Variants in FBF1 observed in about 807,000 individuals in gnomAD.
FBF1 encodes Fas binding factor 1.
In FBF1, 119 loss-of-function variants were observed where a neutral mutation model predicts 147.2. The observed-to-expected ratio is 0.81, with a 90% CI of 0.70 to 0.94. The LOEUF (loss-of-function observed/expected upper bound fraction) is 0.94, where lower values mean the gene tolerates loss of function less well. Ranked by LOEUF, FBF1 falls within the 40% of genes least tolerant of loss-of-function variation. The pLI is 0.00. For missense variants in FBF1, 1,449 were observed against 1,500.8 expected (o/e 0.97, Z 0.57); for synonymous variants, 601 against 609.0 (o/e 0.99, Z 0.19).
chr17:75,939,031 C>T (rs2065642401), intron 1 of FBF1, among the ~76,000 whole-genome samples: 1 of 151,908 alleles, frequency 6.6e-6, no homozygotes, highest in Non-Finnish European at 1.5e-5. Flanking sequence ...CGCGGTGGCT[C>T]ACACCTGTTA....
intron 28 of FBF1, among the ~76,000 whole-genome samples, chr17:75,913,037 T>C (rs1475732647): frequency 6.8e-6 from 1 of 146,956 alleles, no homozygotes; most frequent in East Asian, 2.1e-4. Flanking sequence ...TGAAACTCCA[T>C]CTCAAAAAAG....
chr17:75,937,768 T>C (rs1309509359), intron 2 of FBF1, 175 bp from the exon 3 acceptor site: 4 of 739,428 alleles, frequency 5.4e-6, no homozygotes, highest in Non-Finnish European at 9.3e-6. Flanking sequence ...AACGGACTCA[T>C]TCAGAGCGTG....
Position 75,925,447 on chromosome 17 carries a change from CTG to C in FBF1, c.869-3_869-2del, listed in dbSNP as rs1156257612. The C allele has an allele frequency of 6.2e-7, 1 of 1,612,608 alleles. No individual in the cohort carries two copies. The highest frequency in any genetic ancestry group is 2.2e-5 in the East Asian group (1 of 44,858). ...TCGTCACCCCACATATCTTCACTGTCTGTGAATTAAGGAGCCTGTGACCGTGA... is the reference window on the plus strand; with the variant it reads ...TCGTCACCCCACATATCTTCACTGTCTGAATTAAGGAGCCTGTGACCGTGA... On this transcript the variant is annotated splice_acceptor_variant and splice_polypyrimidine_tract_variant and intron_variant, in intron 12 of 29. Transcript: ENST00000636174. LOFTEE classifies it high-confidence loss of function. The surrounding 1 kb of genome is among the most constrained non-coding windows in gnomAD (Gnocchi z 5.0).
chr17:75,911,862 G>A lies in FBF1; in HGVS notation c.3363+330C>T, dbSNP rs116641447. On this transcript the variant is annotated intron_variant, in intron 29 of 29. Coordinates refer to ENST00000636174, the MANE Select transcript of FBF1 (RefSeq NM_001319193.2). ...AGACGGTGTCTCAACATATTGCCCA[G>A]GCTGGTCTCAAACTCCTGGGCTCAA... 1.9e-3 allele frequency among the ~76,000 whole-genome samples: 283 copies of A among 151,928 alleles called. 2 individuals carry two copies. Among genetic ancestry groups the A allele is most frequent in the African/African-American group, 6.6e-3 (273 of 41,384 alleles).
In FBF1 at chr17:75,931,376, G is replaced by A. The variant is rs143233397; in HGVS notation, c.168-87C>T. On this transcript the variant is annotated intron_variant, in intron 5 of 29. Transcript: ENST00000636174. ...GGAGGAGTAGCTTAGAAAGCCCAAG[G>A]AATCTCGGATAGGTCTCTCCGGAGA... 4.8e-4 allele frequency: 586 copies of A among 1,212,572 alleles called. 8 individuals are homozygous for A. In the African/African-American group the frequency reaches 7.7e-3, roughly 16 times the overall value. 75.1% of individuals were successfully genotyped at this position (1,212,572 alleles called of 1,614,324 possible). A position where few individuals can be genotyped will look rare whatever the true frequency, so the allele number is the denominator to read the frequency against.
chr17:75,924,451 G>A (rs1463232933), intron 13 of FBF1, among the ~76,000 whole-genome samples: 3 of 152,164 alleles, frequency 2.0e-5, no homozygotes, highest in Admixed American at 2.0e-4. Flanking sequence ...GGATGAGAGG[G>A]GCTCCTGGTG....
chr17:75,924,484 T>C (rs1363168577), intron 13 of FBF1, among the ~76,000 whole-genome samples: 1 of 152,068 alleles, frequency 6.6e-6, no homozygotes, highest in Non-Finnish European at 1.5e-5. Flanking sequence ...CTTCTGAAGT[T>C]TTTTTTTGAG....
At chr17:75,920,763 C>G (rs1361338374) in intron 17 of FBF1, among the ~76,000 whole-genome samples, 1 of 151,908 alleles carries the variant, frequency 6.6e-6, no homozygotes, top group African/African-American at 2.4e-5. Flanking sequence ...GCCTGAAGCC[C>G]ACATGTTGAC....
Position 75,910,893 on chromosome 17 carries a change from G to A in FBF1, c.3364-87C>T. 8.7e-7 allele frequency: 1 copy of A among 1,148,048 alleles called. No homozygotes were observed. Among genetic ancestry groups the A allele is most frequent in the Middle Eastern group, 2.1e-4 (1 of 4,840 alleles). 71.1% of individuals were successfully genotyped at this position (1,148,048 alleles called of 1,614,324 possible). A position where few individuals can be genotyped will look rare whatever the true frequency, so the allele number is the denominator to read the frequency against. On this transcript the variant is annotated intron_variant, in intron 29 of 29. Coordinates refer to ENST00000636174, the MANE Select transcript of FBF1 (RefSeq NM_001319193.2). The surrounding 1 kb of genome is among the most constrained non-coding windows in gnomAD (Gnocchi z 4.1). ...GATGCTAGCTGAGCCAGCCGTCACT[G>A]AGGCCCCTCCCCACATCGTCCCTGA...
In FBF1 at chr17:75,928,680, C is replaced by T. The variant is rs1045981795; in HGVS notation, c.280-487G>A. On this transcript the variant is annotated intron_variant, in intron 7 of 29. Transcript: ENST00000636174. This position sits in a 1 kb window ranked among gnomAD's most constrained non-coding sequence, Gnocchi z 4.2. ...AAAATTAGTTGGGTGTGGTGGTGCA[C>T]GCCTGTAATCCCAGCTACTTGGGAG... Among the ~76,000 whole-genome samples the T allele has an allele frequency of 1.3e-5, 2 of 151,462 alleles. No homozygotes were observed. Among genetic ancestry groups the T allele is most frequent in the South Asian group, 2.1e-4 (1 of 4,794 alleles).
At chr17:75,911,488 A>G (rs948555014) in intron 29 of FBF1, among the ~76,000 whole-genome samples, 2 of 152,170 alleles carry the variant, frequency 1.3e-5, no homozygotes, top group African/African-American at 4.8e-5. Context: ...CTGGGACTAT[A>G]GATATGCCCC....
At chr17:75,913,217 C>T (rs1382470666) in intron 28 of FBF1, among the ~76,000 whole-genome samples, 3 of 145,088 alleles carry the variant, frequency 2.1e-5, no homozygotes, top group Admixed American at 7.0e-5. Context: ...GGCACAATCT[C>T]GGCTTACTGC....
At chr17:75,929,890 A>C (rs1244163958) in intron 7 of FBF1, 107 bp downstream of exon 7, 1 of 1,022,420 alleles carries the variant, frequency 9.8e-7, no homozygotes, top group African/African-American at 1.6e-5. Flanking sequence ...TCAGAAACAC[A>C]GGTTGTAAAG....
intron 3 of FBF1, among the ~76,000 whole-genome samples, chr17:75,936,237 C>T (rs1000159244): frequency 2.0e-5 from 3 of 149,722 alleles, no homozygotes; most frequent in African/African-American, 5.1e-5. Context: ...TCACTTGAAC[C>T]CGGGTGGCAG....
In FBF1 at chr17:75,910,725, A is replaced by G. The variant is rs1208659949; in HGVS notation, c.3445T>C (p.Ter1149ArgextTer33). ...GSYNLTSHSA* is the reference protein window; with the variant it reads ...GSYNLTSHSAR ...TGGGGAATCGGCTGGGGTCCCACTC[A>G]GGCTGAATGAGATGTCAAATTGTAG... Residue 1149 changes from the stop codon to arginine (R), a stop_lost, in exon 30 of 30, where the codon TGA becomes CGA. Transcript: ENST00000636174. The surrounding 1 kb of genome is among the most constrained non-coding windows in gnomAD (Gnocchi z 4.1). 6.2e-7 allele frequency: 1 copy of G among 1,607,014 alleles called. No homozygotes were observed. The highest frequency in any genetic ancestry group is 2.2e-5 in the East Asian group (1 of 44,698).
In FBF1 at chr17:75,917,770, C is replaced by T; in HGVS notation, c.2467G>A (p.Glu823Lys). Residue 823 changes from glutamate to lysine, a missense_variant, in exon 23 of 30, where the codon GAG (glutamate) becomes AAG (lysine). By Grantham distance (56) the Glu-to-Lys change is moderately conservative. Coordinates refer to ENST00000636174, the MANE Select transcript of FBF1 (RefSeq NM_001319193.2). ...SRQQEVIGKM[E>K]ARLNEQSRLL... ...CGGCTCTGCTCATTCAGCCGTGCCT[C>T]CATCTTCCCGATGACCTCCTGTTGC... 1 of 1,610,110 alleles carries T rather than the reference C, an allele frequency of 6.2e-7. No homozygotes were observed. The highest frequency in any genetic ancestry group is 8.5e-7 in the Non-Finnish European group (1 of 1,179,060).
In FBF1 at chr17:75,920,383, T is replaced by C. The variant is rs2065518073; in HGVS notation, c.1721A>G (p.Glu574Gly). 2.5e-6 allele frequency: 4 copies of C among 1,606,530 alleles called. No homozygotes were observed. Among genetic ancestry groups the C allele is most frequent in the African/African-American group, 1.3e-5 (1 of 74,942 alleles). The part of the protein sequence containing the change: ...SLARSLLPST[E>G]YQKQLLAAQV... ...TGCTGCCAGGAGCTGCTTCTGGTAT[T>C]CTGTGCTCGGCAGCAGGCTCCGGGC... The change falls in exon 18 of 30, where the codon GAA becomes GGA. Residue 574 changes from glutamate (E) to glycine (G), a missense_variant. Transcript: ENST00000636174.
intron 16 of FBF1, 31 bp downstream of exon 16, chr17:75,921,441 T>G: frequency 6.3e-7 from 1 of 1,598,002 alleles, no homozygotes; most frequent in Middle Eastern, 1.7e-4. Flanking sequence ...AGGGTTAAAC[T>G]CCCAAATGAA....
rs1001101744 is a variant in FBF1, at chr17:75,920,313, C to T, written c.1791G>A (p.Leu597=). The T allele has an allele frequency of 6.2e-7, 1 of 1,611,258 alleles. No individual in the cohort carries two copies. Among genetic ancestry groups the T allele is most frequent in the African/African-American group, 1.3e-5 (1 of 75,032 alleles). Residue 597 remains leucine, a synonymous_variant, in exon 18 of 30, where the codon CTG becomes CTA. Transcript: ENST00000636174. ...QCSPAELQAE[L]LHSQARLAEL... is the part of the protein sequence containing the mutation. Reference sequence around the variant, plus strand: ...CTGCCAGCCGGGCCTGGCTATGCAGCAGCTCGGCCTGGAGCTCAGCGGGGC... The same window carrying T: ...CTGCCAGCCGGGCCTGGCTATGCAGTAGCTCGGCCTGGAGCTCAGCGGGGC...
Sources: allele counts gnomAD v4.1 joint callset (sites outside exome capture counted in the v4.1 genomes callset), GRCh38; gene constraint gnomAD v4.1.1; non-coding constraint Gnocchi (gnomAD v3.1); transcripts MANE v1.5; gene names NCBI Gene and HGNC (gene_info 2026-07-23, HGNC 2026-07-21).